MTAP: variants seen among roughly 807,000 people sequenced by gnomAD.
MTAP encodes S-methyl-5'-thioadenosine phosphorylase.
Under a neutral mutation model 33.6 loss-of-function variants are expected in MTAP, and 33 were observed. The ratio of observed to expected loss-of-function variants is 0.98; its 90% CI spans 0.74 to 1.31. The LOEUF (loss-of-function observed/expected upper bound fraction) is 1.31. Among genes scored for constraint, MTAP ranks in the 40% most tolerant of loss-of-function variants. The pLI is 0.00. For synonymous variants in MTAP, 148 were observed against 125.7 expected (o/e 1.18, Z -1.19); for missense variants, 367 against 360.0 (o/e 1.02, Z -0.16).
intron 1 of MTAP, chr9:21,803,197 G>T (rs1398051136): frequency 3.3e-5 from 12 of 363,334 alleles, no homozygotes; most frequent in Non-Finnish European, 5.4e-5. Flanking sequence ...GTGTCCGGGC[G>T]CCTGCAGCTT....
At chr9:21,861,321 G>C (rs1336668363) in intron 7 of MTAP, 1 of 151,852 alleles carries the variant, frequency 6.6e-6, no homozygotes, top group Non-Finnish European at 1.5e-5. Context: ...TTATATATAT[G>C]TGTATATATA....
intron 4 of MTAP, among the ~76,000 whole-genome samples, chr9:21,830,064 T>C (rs1196309806): frequency 6.6e-6 from 1 of 152,226 alleles, no homozygotes. Context: ...TGTTTGGGTA[T>C]GTGCAGTCAG....
At chr9:21,927,013 A>G (rs530544170) in intron 1 of MTAP, among the ~76,000 whole-genome samples, 2 of 152,336 alleles carry the variant, frequency 1.3e-5, no homozygotes, top group South Asian at 2.1e-4. Context: ...AAGTCCTTAT[A>G]TCAGGTTCTA....
chr9:21,880,101 T>G (rs748109365), intron 1 of MTAP, among the ~76,000 whole-genome samples: 12 of 152,172 alleles, frequency 7.9e-5, no homozygotes, highest in Non-Finnish European at 1.5e-4. Context: ...ATTTATATAT[T>G]GATGGCATTT....
rs1406767135 is a variant in MTAP, at chr9:21,828,851, T to C, written c.348-9057T>C. ...GTGACCACTAGAAATTTTAAAACTA[T>C]GTAGGTGGCTAACATCATATTGCTG... On this transcript the variant is annotated intron_variant, in intron 4 of 7. Coordinates refer to ENST00000644715, the MANE Select transcript of MTAP (RefSeq NM_002451.4). 2.6e-5 allele frequency among the ~76,000 whole-genome samples: 4 copies of C among 152,342 alleles called. No individual in the cohort carries two copies. The East Asian group carries it at 7.7e-4, about 29-fold the overall frequency.
chr9:21,884,416 C>A (rs960898353), intron 1 of MTAP, among the ~76,000 whole-genome samples: 33 of 152,058 alleles, frequency 2.2e-4, no homozygotes, highest in African/African-American at 7.0e-4. Context: ...TATGGCTGAA[C>A]CTTTCAAACA....
At chr9:21,913,796 A>G (rs1209834394) in intron 1 of MTAP, among the ~76,000 whole-genome samples, 1 of 152,240 alleles carries the variant, frequency 6.6e-6, no homozygotes, top group Non-Finnish European at 1.5e-5. Flanking sequence ...ATTAAACTAA[A>G]GAGCTTCTGC....
intron 1 of MTAP, 68 bp downstream of exon 1, chr9:21,802,849 ACCGCG>A: frequency 6.3e-7 from 1 of 1,594,498 alleles, no homozygotes; most frequent in Non-Finnish European, 8.5e-7. Context: ...GCGCCGGGGG[ACCGCG>A]CCTCCGGGGG....
chr9:21,833,943 A>T (rs1156776077), intron 4 of MTAP, among the ~76,000 whole-genome samples: 2 of 151,830 alleles, frequency 1.3e-5, no homozygotes, highest in Non-Finnish European at 2.9e-5. Context: ...CACTCTCTTG[A>T]ACTCATTTTT....
Position 21,818,317 on chromosome 9 carries a change from CTTTTTT to C in MTAP, c.347+137_347+142del, listed in dbSNP as rs35709813. 1,290 of 239,744 alleles carry C rather than the reference CTTTTTT, an allele frequency of 5.4e-3. 40 individuals are homozygous for C. The highest frequency in any genetic ancestry group is 0.01 in the East Asian group (63 of 6,208). The allele number at this position is 239,744 out of a possible 1,614,324, so 14.9% of individuals were successfully genotyped here. On this transcript the variant is annotated intron_variant, in intron 4 of 7. Transcript: ENST00000644715. ...GAGGGCAGTGCCACAGACTCGCTTG[CTTTTTT>C]TTTTTTTTTTTTTTTTTTTTTGGAG...
At chr9:21,820,081 A>G (rs113928734) in intron 4 of MTAP, among the ~76,000 whole-genome samples, 3,068 of 152,136 alleles carry the variant, frequency 0.02, 93 homozygotes, top group African/African-American at 0.069. Flanking sequence ...ATTTTCTCCC[A>G]TTCTGTAGGT....
chr9:21,826,653 A>G (rs931779258), intron 4 of MTAP, among the ~76,000 whole-genome samples: 4 of 140,616 alleles, frequency 2.8e-5, no homozygotes, highest in Non-Finnish European at 4.7e-5. Flanking sequence ...TTATTATTTA[A>G]CTGCACAAGT....
rs537661198 is a variant in MTAP at position 21,838,614 on chromosome 9, A to G, written c.450+604A>G. On this transcript the variant is annotated intron_variant, in intron 5 of 7. Coordinates refer to ENST00000644715, the MANE Select transcript of MTAP (RefSeq NM_002451.4). ...TGTTGCCTTTGACCTGAGTTTGGCC[A>G]TTACTGCCCAGCCTTCTGTCTACCA... Among the ~76,000 whole-genome samples the G allele has an allele frequency of 2.0e-5, 3 of 152,334 alleles. No individual in the cohort carries two copies. The South Asian group carries it at 6.2e-4, about 32-fold the overall frequency.
At chr9:21,913,316 G>A (rs192016642) in intron 1 of MTAP, among the ~76,000 whole-genome samples, 59 of 152,206 alleles carry the variant, frequency 3.9e-4, no homozygotes, top group African/African-American at 1.0e-3. Context: ...AGCCTGCACC[G>A]CCAAGTCAAT....
chr9:21,814,539 G>T, intron 1 of MTAP, among the ~76,000 whole-genome samples: 1 of 152,058 alleles, frequency 6.6e-6, no homozygotes, highest in East Asian at 1.9e-4. Flanking sequence ...CTTATTTTTA[G>T]TTTTAACAGT....
intron 1 of MTAP, among the ~76,000 whole-genome samples, chr9:21,806,579 CTT>C (rs1365121952): frequency 6.6e-6 from 1 of 151,956 alleles, no homozygotes; most frequent in Non-Finnish European, 1.5e-5. Context: ...TTCAAGCAAT[CTT>C]TTTTGTGGTT....
At chr9:21,892,540 T>C (rs1265039308) in intron 1 of MTAP, 1 of 152,176 alleles carries the variant, frequency 6.6e-6, no homozygotes, top group African/African-American at 2.4e-5. Flanking sequence ...TATATAATGA[T>C]AAAGGGTTTA....
In MTAP at chr9:21,816,668, T is replaced by G. The variant is rs970060345; in HGVS notation, c.121-46T>G. ...GTTGAACAATTATAATTTACATACC[T>G]GTTTTTAAATCACTGAGTTAAATGT... On this transcript the variant is annotated intron_variant, in intron 2 of 7. Coordinates refer to ENST00000644715, the MANE Select transcript of MTAP (RefSeq NM_002451.4). The G allele has an allele frequency of 2.6e-6, 4 of 1,535,118 alleles. No individual in the cohort carries two copies. In the South Asian group the frequency reaches 4.6e-5, roughly 18 times the overall value.
downstream of MTAP, chr9:21,935,870 A>G (rs1025324627): frequency 1.3e-5 from 2 of 151,144 alleles, no homozygotes; most frequent in African/African-American, 2.5e-5. Context: ...ATTTCAGGTC[A>G]TCTGCTTACA....
Sources: gnomAD v4.1 joint callset for allele counts (sites outside exome capture counted in the v4.1 genomes callset) on GRCh38, gnomAD v4.1.1 for gene constraint, MANE v1.5 for transcripts, NCBI Gene and HGNC (gene_info 2026-07-23, HGNC 2026-07-21) for gene names.